The following BTD variants were observed in gnomAD, a reference collection of about 807,000 sequenced individuals.
The protein encoded by BTD is biotinidase.
BTD carries 13 observed loss-of-function variants against 17.7 expected under a neutral mutation model. The ratio of observed to expected loss-of-function variants is 0.74; its 90% CI spans 0.48 to 1.17. The LOEUF (loss-of-function observed/expected upper bound fraction) is 1.17, where lower values mean the gene tolerates loss of function less well. Among genes scored for constraint, BTD ranks in the 50% most tolerant of loss-of-function variants. BTD has a pLI of 0.00. For synonymous variants in BTD, 240 were observed against 245.2 expected, an observed-to-expected ratio of 0.98 and a Z score of 0.20; for missense variants, 674 against 650.4, an observed-to-expected ratio of 1.04 and a Z score of -0.39.
In BTD at chr3:15,677,079, A is replaced by G. The variant is rs749512053; in HGVS notation, c.400-32981A>G. On this transcript the variant is annotated intron_variant, in intron 3 of 3. Coordinates refer to the BTD transcript ENST00000672141. ...ACCCTATAATTGTGGCAGATAAGTT[A>G]TAAAAACTTGAGCACCATTAAAGAT... The G allele has an allele frequency of 1.8e-5, 29 of 1,595,368 alleles. No individual in the cohort carries two copies. In the Admixed American group the frequency reaches 4.8e-4, roughly 27 times the overall value.
intron 3 of BTD, among the ~76,000 whole-genome samples, chr3:15,699,340 T>C (rs1235131358): frequency 6.6e-6 from 1 of 152,146 alleles, no homozygotes; most frequent in Non-Finnish European, 1.5e-5. Flanking sequence ...GGGCAAAGAC[T>C]TCATGACTAA....
chr3:15,608,270 C>T (rs1022747531), intron 1 of BTD, among the ~76,000 whole-genome samples: 1 of 152,068 alleles, frequency 6.6e-6, no homozygotes, highest in Non-Finnish European at 1.5e-5. Flanking sequence ...GAATGTTGTT[C>T]CCTTGTTTTA....
intron 3 of BTD, chr3:15,689,775 T>C (rs2068576706): frequency 2.4e-6 from 1 of 411,510 alleles, no homozygotes; most frequent in African/African-American, 2.0e-5. Flanking sequence ...CTTGGGTTGA[T>C]ATAATACACT....
upstream of BTD, chr3:15,601,426 T>C (rs1353977353): frequency 8.1e-6 from 13 of 1,613,926 alleles, no homozygotes; most frequent in Non-Finnish European, 1.1e-5. Flanking sequence ...ACCAGACACC[T>C]GCTCCTCGCT....
intron 4 of BTD, chr3:15,721,255 A>T: frequency 6.6e-6 from 5 of 753,240 alleles, no homozygotes; most frequent in Non-Finnish European, 1.1e-5. Flanking sequence ...ATAAGTACAG[A>T]GATAAGGCTT....
intron 3 of BTD, chr3:15,669,531 T>C (rs2066161579): frequency 6.6e-6 from 1 of 152,202 alleles, no homozygotes; most frequent in African/African-American, 2.4e-5. Flanking sequence ...TTTTCACCCG[T>C]ATTGCACCCA....
intron 3 of BTD, among the ~76,000 whole-genome samples, chr3:15,661,333 T>C (rs2125541436): frequency 6.6e-6 from 1 of 151,966 alleles, no homozygotes; most frequent in Admixed American, 6.5e-5. Context: ...CACTAGCATT[T>C]GGTGTTGTCA....
chr3:15,612,533 T>G (rs1472675781), intron 1 of BTD, among the ~76,000 whole-genome samples: 1 of 152,220 alleles, frequency 6.6e-6, no homozygotes, highest in Non-Finnish European at 1.5e-5. Context: ...TCCCAAATGA[T>G]TCTTACTTTA....
chr3:15,662,998 G>A (rs1466049475), intron 3 of BTD, among the ~76,000 whole-genome samples: 2 of 151,550 alleles, frequency 1.3e-5, no homozygotes, highest in Non-Finnish European at 2.9e-5. Flanking sequence ...ATGTTCATGA[G>A]AAATATTTTT....
chr3:15,695,164 G>A lies in BTD; in HGVS notation c.400-14896G>A, dbSNP rs116037475. On this transcript the variant is annotated intron_variant, in intron 3 of 3. Transcript: ENST00000672141. The stretch of plus-strand genomic sequence containing the variant: ...AGGGAACTGACCAATACTAATTGGT[G>A]GGAGGGAATTGACTAATACTTACAA... The A allele has an allele frequency of 4.4e-4, 686 of 1,576,596 alleles. 5 individuals are homozygous for A. In the African/African-American group the frequency reaches 7.8e-3, roughly 18 times the overall value.
chr3:15,604,926 C>G (rs1038633703), intron 1 of BTD, among the ~76,000 whole-genome samples: 3 of 152,240 alleles, frequency 2.0e-5, no homozygotes, highest in Admixed American at 2.0e-4. Context: ...CTAGGAGGTT[C>G]CAAACTTTCC....
chr3:15,661,506 T>C (rs907772561), intron 3 of BTD, among the ~76,000 whole-genome samples: 2 of 152,174 alleles, frequency 1.3e-5, no homozygotes, highest in African/African-American at 2.4e-5. Context: ...GTTGCTTGTG[T>C]TCTTATTTGT....
intron 2 of BTD, among the ~76,000 whole-genome samples, chr3:15,638,560 C>A (rs2065420172): frequency 6.6e-6 from 1 of 152,190 alleles, no homozygotes; most frequent in Admixed American, 6.5e-5. Context: ...TGTTTTAAAA[C>A]AACTTCTAAG....
At chr3:15,621,451 A>G (rs1182182226) in intron 1 of BTD, among the ~76,000 whole-genome samples, 1 of 152,234 alleles carries the variant, frequency 6.6e-6, no homozygotes, top group Admixed American at 6.5e-5. Flanking sequence ...GAATTCACCA[A>G]TGAACCCACC....
Position 15,687,890 on chromosome 3 carries a change from A to G in BTD, c.400-22170A>G, listed in dbSNP as rs559733078. On this transcript the variant is annotated intron_variant, in intron 3 of 3. Transcript: ENST00000672141. ...TTTGTGTCATCTAAGTTCAATACCC[A>G]AACAGCAAGCACAGCATCTCTGTGG... 2.0e-5 allele frequency among the ~76,000 whole-genome samples: 3 copies of G among 152,338 alleles called. No homozygotes were observed. The East Asian group carries it at 5.8e-4, about 29-fold the overall frequency.
At chr3:15,685,056 A>T in intron 3 of BTD, 1 of 627,030 alleles carries the variant, frequency 1.6e-6, no homozygotes, top group Middle Eastern at 4.4e-4. Flanking sequence ...TTAGCATGAC[A>T]AAGGACAGGA....
chr3:15,632,165 CTTCCT>C (rs2065229947), intron 1 of BTD, among the ~76,000 whole-genome samples: 1 of 152,200 alleles, frequency 6.6e-6, no homozygotes, highest in Non-Finnish European at 1.5e-5. Context: ...TCATCGAGGT[CTTCCT>C]TGACCACACT....
rs2065329555 is a variant in BTD at position 15,635,693 on chromosome 3, G to T, written c.249+5G>T. ...GTGATGACTGCAGCCCAAAAGGCAAGAATGCTCCTCGGAACCTGAGTTTCT... is the reference window on the plus strand; with the variant it reads ...GTGATGACTGCAGCCCAAAAGGCAATAATGCTCCTCGGAACCTGAGTTTCT... On this transcript the variant is annotated splice_donor_5th_base_variant and intron_variant, in intron 2 of 3. Coordinates refer to ENST00000643237, the MANE Select transcript of BTD (RefSeq NM_001370658.1). This position sits in a 1 kb window ranked among gnomAD's most constrained non-coding sequence, Gnocchi z 4.1. 1.2e-6 allele frequency: 2 copies of T among 1,614,110 alleles called. No individual in the cohort carries two copies. The highest frequency in any genetic ancestry group is 2.2e-5 in the South Asian group (2 of 91,068).
At chr3:15,675,879 G>T in intron 3 of BTD, 1 of 1,579,848 alleles carries the variant, frequency 6.3e-7, no homozygotes, top group Non-Finnish European at 8.7e-7. Flanking sequence ...TAAGGGAAGA[G>T]AATATAGAAC....
Sources: allele counts gnomAD v4.1 joint callset (sites outside exome capture counted in the v4.1 genomes callset), GRCh38; gene constraint gnomAD v4.1.1; non-coding constraint Gnocchi (gnomAD v3.1); transcripts MANE v1.5; gene names NCBI Gene and HGNC (gene_info 2026-07-23, HGNC 2026-07-21).